Variants in PAPPA2 observed in about 807,000 individuals in gnomAD.
PAPPA2 encodes pappalysin-2.
Under a neutral mutation model 176.4 loss-of-function variants are expected in PAPPA2, and 86 were observed. The ratio of observed to expected loss-of-function variants is 0.49; its 90% confidence interval spans 0.41 to 0.58. The LOEUF is 0.58. Among genes scored for constraint, PAPPA2 ranks in the 20% least tolerant of loss-of-function variants. PAPPA2 has a pLI of 0.00. For missense variants in PAPPA2, 2,073 were observed against 2,256.9 expected (o/e 0.92, Z 1.65); for synonymous variants, 809 against 852.2 (o/e 0.95, Z 0.88).
intron 1 of PAPPA2, among the ~76,000 whole-genome samples, chr1:176,548,059 A>G (rs1364813296): frequency 6.6e-6 from 1 of 152,218 alleles, no homozygotes; most frequent in Admixed American, 6.5e-5. Flanking sequence ...GATACATTAG[A>G]GATGGTCATA....
At chr1:176,566,730 C>T (rs990388145) in intron 2 of PAPPA2, among the ~76,000 whole-genome samples, 3 of 152,190 alleles carry the variant, frequency 2.0e-5, no homozygotes, top group African/African-American at 7.2e-5. Context: ...TCCTTCCTCA[C>T]CTCCTGCCTC....
chr1:176,721,596 G>A (rs561839922), intron 12 of PAPPA2, among the ~76,000 whole-genome samples: 15 of 152,068 alleles, frequency 9.9e-5, no homozygotes, highest in Non-Finnish European at 1.9e-4. Flanking sequence ...ATGTTATCCC[G>A]TTATCTTTTC....
intron 17 of PAPPA2, among the ~76,000 whole-genome samples, chr1:176,785,497 T>G (rs918198112): frequency 6.6e-6 from 1 of 152,034 alleles, no homozygotes; most frequent in African/African-American, 2.4e-5. Context: ...GGAAAAAGAA[T>G]CTTTGAGGCT....
At chr1:176,687,988 A>G (rs1433087134) in intron 4 of PAPPA2, among the ~76,000 whole-genome samples, 2 of 152,138 alleles carry the variant, frequency 1.3e-5, no homozygotes, top group African/African-American at 4.8e-5. Context: ...AGCATATTTA[A>G]CCACAGATGC....
At chr1:176,484,569 A>C (rs548417067) in intron 1 of PAPPA2, among the ~76,000 whole-genome samples, 30 of 152,318 alleles carry the variant, frequency 2.0e-4, no homozygotes, top group African/African-American at 6.7e-4. Context: ...TTTGCAGTTC[A>C]GAAATTTCTA....
In PAPPA2 at chr1:176,594,982, T is replaced by G; in HGVS notation, c.1378T>G (p.Phe460Val). 1 of 1,614,174 alleles carries G rather than the reference T, an allele frequency of 6.2e-7. No homozygotes were observed. The part of the protein sequence containing the change: ...EATDLVLTAS[F>V]EPVNTEWVPF... ...GACTGACTTGGTCCTGACAGCGAGC[T>G]TTGAGCCTGTGAACACAGAGTGGGT... The change falls in exon 3 of 23, where the codon TTT becomes GTT. Residue 460 changes from phenylalanine to valine, a missense_variant. Physicochemically the swap from Phe to Val is conservative, Grantham distance 50 (BLOSUM62 -1). Transcript: ENST00000367662.
intron 12 of PAPPA2, among the ~76,000 whole-genome samples, chr1:176,730,810 T>G (rs1662106690): frequency 6.6e-6 from 1 of 152,100 alleles, no homozygotes; most frequent in Non-Finnish European, 1.5e-5. Flanking sequence ...TGTCATTCAG[T>G]CGTAAGTATT....
At chr1:176,778,566 A>C (rs1389117580) in intron 17 of PAPPA2, among the ~76,000 whole-genome samples, 2 of 152,202 alleles carry the variant, frequency 1.3e-5, no homozygotes, top group African/African-American at 4.8e-5. Context: ...AGGCAAGCTA[A>C]AACTCATTAA....
At chr1:176,704,962 G>C (rs1660815817) in intron 9 of PAPPA2, among the ~76,000 whole-genome samples, 1 of 152,194 alleles carries the variant, frequency 6.6e-6, no homozygotes, top group East Asian at 1.9e-4. Flanking sequence ...TTACAGTTCT[G>C]TTGGGCCGCA....
chr1:176,656,618 T>C (rs960154497), intron 3 of PAPPA2, among the ~76,000 whole-genome samples: 1 of 151,934 alleles, frequency 6.6e-6, no homozygotes, highest in African/African-American at 2.4e-5. Flanking sequence ...CAGCTAATGG[T>C]AAAAACTTGT....
At chr1:176,719,551 G>A (rs891505269) in intron 12 of PAPPA2, among the ~76,000 whole-genome samples, 10 of 152,040 alleles carry the variant, frequency 6.6e-5, no homozygotes, top group Non-Finnish European at 8.8e-5. Flanking sequence ...TTCCTTTAAC[G>A]TAAGTTTTTT....
intron 1 of PAPPA2, among the ~76,000 whole-genome samples, chr1:176,494,045 C>T (rs935754621): frequency 2.6e-5 from 4 of 152,118 alleles, no homozygotes; most frequent in Non-Finnish European, 5.9e-5. Flanking sequence ...AATTAAATTT[C>T]CAAAGCCACA....
rs1007126397 is a variant in PAPPA2 at position 176,831,701 on chromosome 1, C to T, written c.5203-8472C>T. On this transcript the variant is annotated intron_variant, in intron 21 of 22. Coordinates refer to ENST00000367662, the MANE Select transcript of PAPPA2 (RefSeq NM_020318.3). The stretch of plus-strand genomic sequence containing the variant: ...TTATTTGCAACTATTTGAAAAGGGC[C>T]GTGAGGTTAGTTTTGGCTGAAAAGT... 4.6e-5 allele frequency among the ~76,000 whole-genome samples: 7 copies of T among 152,070 alleles called. No individual in the cohort carries two copies. The East Asian group carries it at 7.7e-4, about 17-fold the overall frequency.
intron 1 of PAPPA2, among the ~76,000 whole-genome samples, chr1:176,477,071 G>A (rs894349217): frequency 7.9e-5 from 12 of 152,262 alleles, no homozygotes; most frequent in Middle Eastern, 3.4e-3. Flanking sequence ...AGCTTTTCAA[G>A]GGAAGCCTTT....
At chr1:176,493,714 G>C (rs967255901) in intron 1 of PAPPA2, among the ~76,000 whole-genome samples, 3 of 152,180 alleles carry the variant, frequency 2.0e-5, no homozygotes, top group African/African-American at 7.2e-5. Context: ...AAGAAAGTGA[G>C]AAGTGACAAG....
At chr1:176,505,342 A>G (rs1342682658) in intron 1 of PAPPA2, among the ~76,000 whole-genome samples, 3 of 152,072 alleles carry the variant, frequency 2.0e-5, no homozygotes, top group Admixed American at 2.0e-4. Flanking sequence ...TCATGGGGTT[A>G]TTGGGTCCAG....
chr1:176,490,361 G>C (rs1157575951), intron 1 of PAPPA2, among the ~76,000 whole-genome samples: 2 of 152,146 alleles, frequency 1.3e-5, no homozygotes, highest in Non-Finnish European at 2.9e-5. Flanking sequence ...TCTTCAGTTT[G>C]CAGGCAGCCT....
chr1:176,835,726 C>T (rs1176489528), intron 21 of PAPPA2, among the ~76,000 whole-genome samples: 2 of 152,152 alleles, frequency 1.3e-5, no homozygotes, highest in East Asian at 3.9e-4. Flanking sequence ...CCATGTTTGT[C>T]AGGTTGGTCT....
intron 14 of PAPPA2, among the ~76,000 whole-genome samples, chr1:176,740,652 A>C (rs1157976008): frequency 6.6e-6 from 1 of 152,184 alleles, no homozygotes; most frequent in Non-Finnish European, 1.5e-5. Context: ...GGAAATAGGA[A>C]ATGCATTAGC....
Sources: allele counts gnomAD v4.1 joint callset (sites outside exome capture counted in the v4.1 genomes callset), GRCh38; gene constraint gnomAD v4.1.1; transcripts MANE v1.5; gene names NCBI Gene and HGNC (gene_info 2026-07-23, HGNC 2026-07-21).